The following RAB30 variants were observed in gnomAD, a reference collection of about 807,000 sequenced individuals.
The protein encoded by RAB30 is RAB30, member RAS oncogene family, also known as ras-related protein Rab-30.
Under a neutral mutation model 25.1 loss-of-function variants are expected in RAB30, and 9 were observed. That is an observed-to-expected ratio of 0.36 (90% CI 0.22 to 0.63). The LOEUF (loss-of-function observed/expected upper bound fraction) is 0.63, where lower values mean the gene tolerates loss of function less well. Among genes scored for constraint, RAB30 ranks in the 20% least tolerant of loss-of-function variants. The probability of loss-of-function intolerance (pLI) is 0.69; values close to 1 mark genes in which losing one functional copy is unlikely to be tolerated. For missense variants in RAB30, 140 were observed against 243.5 expected, an observed-to-expected ratio of 0.58 and a Z score of 2.83; for synonymous variants, 77 against 86.4, an observed-to-expected ratio of 0.89 and a Z score of 0.60.
intron 1 of RAB30, among the ~76,000 whole-genome samples, chr11:83,060,363 A>C (rs142414538): frequency 4.7e-4 from 71 of 152,336 alleles, no homozygotes; most frequent in African/African-American, 1.6e-3. Context: ...TTTTGAATTA[A>C]AGTTATTGAG....
chr11:83,003,032 G>A (rs1380458132), intron 1 of RAB30, among the ~76,000 whole-genome samples: 1 of 152,146 alleles, frequency 6.6e-6, no homozygotes, highest in Non-Finnish European at 1.5e-5. Flanking sequence ...GTAAATGGAG[G>A]GGCTGGGTAA....
At chr11:82,983,883 A>C (rs538532140) in intron 4 of RAB30, among the ~76,000 whole-genome samples, 12 of 152,302 alleles carry the variant, frequency 7.9e-5, no homozygotes, top group African/African-American at 2.6e-4. Context: ...TGGTATTATT[A>C]TTCTGAGGTT....
At chr11:83,047,284 C>G (rs757696503) in intron 1 of RAB30, among the ~76,000 whole-genome samples, 13 of 152,104 alleles carry the variant, frequency 8.5e-5, no homozygotes, top group South Asian at 2.1e-4. Context: ...TTAAAACTCA[C>G]CTTGTTCCAC....
At chr11:83,032,350 AAG>A (rs1425908880) in intron 1 of RAB30, among the ~76,000 whole-genome samples, 2 of 152,244 alleles carry the variant, frequency 1.3e-5, no homozygotes, top group African/African-American at 4.8e-5. Context: ...ACAGAAAAGT[AAG>A]AGAACGATGA....
chr11:82,982,287 G>A lies in RAB30; in HGVS notation c.490C>T (p.Leu164Phe), dbSNP rs1347157200. ...CTGATGAGTCGGCATGCTAAGTCAA[G>A]GAAGAGTTTCTCCACATTATCAGAT... ...KESDNVEKLF[L>F]DLACRLISEA... Residue 164 changes from leucine to phenylalanine, a missense_variant, in exon 5 of 5, where the codon CTT becomes TTT. Leu to Phe is a conservative substitution (Grantham distance 22). Coordinates refer to ENST00000527633, the MANE Select transcript of RAB30 (RefSeq NM_001286060.2). 1 of 1,614,238 alleles carries A rather than the reference G, an allele frequency of 6.2e-7. No individual in the cohort carries two copies. Among genetic ancestry groups the A allele is most frequent in the African/African-American group, 1.3e-5 (1 of 75,066 alleles).
intron 1 of RAB30, among the ~76,000 whole-genome samples, chr11:83,068,348 C>T (rs184357873): frequency 6.6e-6 from 1 of 152,010 alleles, no homozygotes. Flanking sequence ...TCTGTCACCA[C>T]CCTAGATCTA....
intron 1 of RAB30, among the ~76,000 whole-genome samples, chr11:83,033,652 G>T (rs1739119502): frequency 6.6e-6 from 1 of 152,110 alleles, no homozygotes; most frequent in Non-Finnish European, 1.5e-5. Flanking sequence ...AGGTTTGCAG[G>T]CTCAAGTTTC....
At chr11:83,014,101 T>C (rs1203563901) in intron 1 of RAB30, among the ~76,000 whole-genome samples, 1 of 152,182 alleles carries the variant, frequency 6.6e-6, no homozygotes, top group Non-Finnish European at 1.5e-5. Flanking sequence ...GAGCAATGAA[T>C]GAATGAATGG....
At chr11:83,023,424 C>T (rs752654937) in intron 1 of RAB30, among the ~76,000 whole-genome samples, 4 of 152,176 alleles carry the variant, frequency 2.6e-5, no homozygotes, top group Non-Finnish European at 5.9e-5. Context: ...AGCACAAAGC[C>T]TGAGGGTTGT....
At chr11:83,001,396 T>C (rs974225683) in intron 1 of RAB30, among the ~76,000 whole-genome samples, 2 of 152,246 alleles carry the variant, frequency 1.3e-5, no homozygotes, top group East Asian at 3.9e-4. Flanking sequence ...CCAGGGCTTG[T>C]CCTGAACTCC....
rs139755224 is a variant in RAB30 at position 82,997,242 on chromosome 11, G to C, written c.75C>G (p.Leu25=). ...IGNAGVGKTC[L]VRRFTQGLFP... Reference sequence around the variant, plus strand: ...CCCTTACCTGAGTGAATCTTCGGACGAGGCACGTCTTCCCCACACCAGCGT... The same window carrying C: ...CCCTTACCTGAGTGAATCTTCGGACCAGGCACGTCTTCCCCACACCAGCGT... The change falls in exon 2 of 5, where the codon CTC becomes CTG. Residue 25 remains leucine (L), a synonymous_variant. Transcript: ENST00000527633. 5 of 1,610,916 alleles carry C rather than the reference G, an allele frequency of 3.1e-6. No homozygotes were observed. The highest frequency in any genetic ancestry group is 4.2e-6 in the Non-Finnish European group (5 of 1,177,258).
Position 82,973,680 on chromosome 11 carries a change from G to A in RAB30, c.*8485C>T, listed in dbSNP as rs977402902. ...TTGATCAATTAAACTAAGATCGTAA[G>A]TTGCACTCTCCAAACAGGATTGCAA... is the stretch of plus-strand genomic sequence containing the variant. On this transcript the variant is annotated 3_prime_UTR_variant, in exon 5 of 5. Coordinates refer to ENST00000527633, the MANE Select transcript of RAB30 (RefSeq NM_001286060.2). The A allele has an allele frequency of 2.6e-5, 4 of 152,180 alleles. No individual in the cohort carries two copies. The highest frequency in any genetic ancestry group is 2.1e-4 in the South Asian group (1 of 4,838). 9.4% of individuals were successfully genotyped at this position (152,180 alleles called of 1,614,324 possible).
At chr11:83,035,139 C>T (rs1232554168) in intron 1 of RAB30, among the ~76,000 whole-genome samples, 1 of 151,410 alleles carries the variant, frequency 6.6e-6, no homozygotes, top group Non-Finnish European at 1.5e-5. Context: ...CTCAGACATT[C>T]AATAATTTGA....
chr11:83,031,576 G>T (rs1857860944), intron 1 of RAB30, among the ~76,000 whole-genome samples: 1 of 146,942 alleles, frequency 6.8e-6, no homozygotes, highest in African/African-American at 2.5e-5. Flanking sequence ...TGGCCAGGCT[G>T]GAGTGCAATG....
At chr11:83,069,946 A>G (rs1858793544) in intron 1 of RAB30, among the ~76,000 whole-genome samples, 1 of 152,218 alleles carries the variant, frequency 6.6e-6, no homozygotes, top group Non-Finnish European at 1.5e-5. Flanking sequence ...AAATATTCAC[A>G]TAGTCTACAT....
chr11:83,002,728 G>C (rs1315511133), intron 1 of RAB30, among the ~76,000 whole-genome samples: 1 of 152,028 alleles, frequency 6.6e-6, no homozygotes, highest in East Asian at 1.9e-4. Context: ...AGGAGTTCAA[G>C]TTTGCAGTGA....
At chr11:83,045,831 A>C (rs1334965350) in intron 1 of RAB30, among the ~76,000 whole-genome samples, 1 of 152,230 alleles carries the variant, frequency 6.6e-6, no homozygotes, top group Non-Finnish European at 1.5e-5. Flanking sequence ...AGGTATCTAA[A>C]ATCCACCCTG....
intron 1 of RAB30, chr11:83,041,106 G>A (rs1858101222): frequency 1.3e-5 from 2 of 152,190 alleles, no homozygotes; most frequent in Non-Finnish European, 2.9e-5. Flanking sequence ...TGAGGCAGGA[G>A]TATTGCTTGA....
intron 2 of RAB30, among the ~76,000 whole-genome samples, chr11:82,994,408 G>T (rs1160779423): frequency 1.3e-5 from 2 of 152,172 alleles, no homozygotes; most frequent in African/African-American, 2.4e-5. Context: ...AGAAAATTGA[G>T]AAAGGGCAGG....
Sources: allele counts gnomAD v4.1 joint callset (sites outside exome capture counted in the v4.1 genomes callset), GRCh38; gene constraint gnomAD v4.1.1; transcripts MANE v1.5; gene names NCBI Gene and HGNC (gene_info 2026-07-23, HGNC 2026-07-21).